Variants in ROBO2 observed in about 807,000 individuals in gnomAD.
ROBO2 encodes roundabout guidance receptor 2, also known as roundabout homolog 2.
ROBO2 carries 53 observed loss-of-function variants against 160.8 expected under a neutral mutation model. The observed-to-expected ratio is 0.33, with a 90% CI of 0.26 to 0.41. The LOEUF (loss-of-function observed/expected upper bound fraction) is 0.41, where lower values mean the gene tolerates loss of function less well. ROBO2 is among the 10% of genes least tolerant of loss of function. The pLI is 1.00. For synonymous variants in ROBO2, 664 were observed against 611.7 expected, an observed-to-expected ratio of 1.09 and a Z score of -1.26; for missense variants, 1,577 against 1,722.4, an observed-to-expected ratio of 0.92 and a Z score of 1.49.
intron 2 of ROBO2, among the ~76,000 whole-genome samples, chr3:76,768,688 TA>T (rs1246157965): frequency 1.3e-5 from 2 of 150,896 alleles, no homozygotes; most frequent in Non-Finnish European, 1.5e-5. Context: ...TAGTTTAAAT[TA>T]ACAATTATGT....
intron 1 of ROBO2, among the ~76,000 whole-genome samples, chr3:75,913,553 A>G (rs1010727510): frequency 6.6e-6 from 1 of 152,216 alleles, no homozygotes; most frequent in Non-Finnish European, 1.5e-5. Context: ...TCTGACTGAT[A>G]ACAGCTACTG....
intron 2 of ROBO2, among the ~76,000 whole-genome samples, chr3:77,152,588 G>T (rs1325341371): frequency 6.6e-6 from 1 of 152,170 alleles, no homozygotes; most frequent in Non-Finnish European, 1.5e-5. Flanking sequence ...TATGTTCGTT[G>T]TATCAAATCT....
chr3:76,274,933 A>G (rs1430800742), intron 2 of ROBO2, among the ~76,000 whole-genome samples: 1 of 152,164 alleles, frequency 6.6e-6, no homozygotes, highest in Non-Finnish European at 1.5e-5. Flanking sequence ...ACAAGAATTC[A>G]GTGAATATAA....
At chr3:77,161,078 G>C (rs2078446259) in intron 2 of ROBO2, among the ~76,000 whole-genome samples, 5 of 152,132 alleles carry the variant, frequency 3.3e-5, no homozygotes, top group Admixed American at 3.3e-4. Context: ...GATTACAAAA[G>C]CTCCCTCCCT....
In ROBO2 at chr3:77,379,708, T is replaced by C. The variant is rs540311294; in HGVS notation, c.389-97706T>C. ...AAACTCTGGTACTCTGAAATATCTC[T>C]TCCTGACCTGCTACTTCACTTCAAT... On this transcript the variant is annotated intron_variant, in intron 2 of 25. Transcript: ENST00000461745. Among the ~76,000 whole-genome samples, 69 of 152,272 alleles carry C rather than the reference T, an allele frequency of 4.5e-4. 1 individual carries two copies. Among genetic ancestry groups the C allele is most frequent in the South Asian group, 2.9e-3 (14 of 4,820 alleles).
At chr3:75,937,597 G>A (rs776265436) in exon 2 of ROBO2, 2 of 1,545,714 alleles carry the variant, frequency 1.3e-6, no homozygotes, top group Admixed American at 3.7e-5. Flanking sequence ...AATGGACAAG[G>A]CCAAGGTAAG....
chr3:77,471,922 C>T (rs557759994), intron 2 of ROBO2, among the ~76,000 whole-genome samples: 4 of 152,120 alleles, frequency 2.6e-5, no homozygotes, highest in Admixed American at 6.5e-5. Context: ...CTGCAGGATG[C>T]GCCAATTTCC....
intron 2 of ROBO2, among the ~76,000 whole-genome samples, chr3:76,205,323 A>G (rs763495606): frequency 5.9e-5 from 9 of 152,132 alleles, no homozygotes; most frequent in Non-Finnish European, 1.0e-4. Flanking sequence ...GTGAGAGAGA[A>G]TAAGGCCAAG....
At chr3:76,789,865 C>T (rs565088315) in intron 2 of ROBO2, among the ~76,000 whole-genome samples, 1 of 151,706 alleles carries the variant, frequency 6.6e-6, no homozygotes, top group Middle Eastern at 3.4e-3. Context: ...TTTATTCTAC[C>T]ATAGTTCCCT....
intron 2 of ROBO2, among the ~76,000 whole-genome samples, chr3:76,933,040 C>G (rs2077455807): frequency 6.7e-6 from 1 of 150,248 alleles, no homozygotes; most frequent in African/African-American, 2.5e-5. Flanking sequence ...AAATGGAAAC[C>G]AGGTTTGAGG....
chr3:76,445,923 A>T lies in ROBO2; in HGVS notation c.109+508321A>T, dbSNP rs539604484. On this transcript the variant is annotated intron_variant, in intron 2 of 26. Transcript: ENST00000487694. ...TAAGAGCTATTTATGACAAACCCACAGCCAATATCATACTGAATGGGCAAA... is the reference window on the plus strand; with the variant it reads ...TAAGAGCTATTTATGACAAACCCACTGCCAATATCATACTGAATGGGCAAA... Among the ~76,000 whole-genome samples, 349 of 152,320 alleles carry T rather than the reference A, an allele frequency of 2.3e-3. 1 individual carries two copies. Among genetic ancestry groups the T allele is most frequent in the African/African-American group, 8.1e-3 (335 of 41,572 alleles).
At chr3:77,562,011 G>T (rs1198989525) in intron 9 of ROBO2, among the ~76,000 whole-genome samples, 1 of 151,956 alleles carries the variant, frequency 6.6e-6, no homozygotes, top group East Asian at 1.9e-4. Flanking sequence ...TCTGAGGCAG[G>T]AGAATTGCTT....
chr3:76,009,594 C>G (rs556380182), intron 2 of ROBO2, among the ~76,000 whole-genome samples: 1 of 152,138 alleles, frequency 6.6e-6, no homozygotes, highest in Non-Finnish European at 1.5e-5. Context: ...TTTCAGAAAA[C>G]TCAGTCTAGA....
chr3:77,062,056 A>G (rs1290182819), intron 1 of ROBO2, among the ~76,000 whole-genome samples: 1 of 152,128 alleles, frequency 6.6e-6, no homozygotes, highest in African/African-American at 2.4e-5. Context: ...AGGTCTCTAC[A>G]TGTCAGTCAA....
chr3:76,847,485 A>G (rs138452771), intron 2 of ROBO2, among the ~76,000 whole-genome samples: 83 of 152,326 alleles, frequency 5.4e-4, no homozygotes, highest in South Asian at 1.0e-3. Flanking sequence ...ACATACTTGT[A>G]TTTGGAGAGT....
chr3:77,505,674 A>G (rs986690211), intron 5 of ROBO2, among the ~76,000 whole-genome samples: 2 of 152,190 alleles, frequency 1.3e-5, no homozygotes, highest in Admixed American at 6.5e-5. Context: ...CTTAAAATAT[A>G]TTAAATATGG....
intron 2 of ROBO2, among the ~76,000 whole-genome samples, chr3:76,752,933 GA>G (rs1352782257): frequency 6.6e-6 from 1 of 151,814 alleles, no homozygotes; most frequent in African/African-American, 2.4e-5. Flanking sequence ...GCAAACATTA[GA>G]AAATTCAATA....
intron 2 of ROBO2, among the ~76,000 whole-genome samples, chr3:77,375,032 G>T (rs1581451443): frequency 1.3e-5 from 2 of 152,094 alleles, no homozygotes; most frequent in African/African-American, 4.8e-5. Context: ...AACATAGCAA[G>T]ACCCTGTCTC....
At chr3:77,463,289 T>G (rs2082425580) in intron 2 of ROBO2, among the ~76,000 whole-genome samples, 1 of 152,062 alleles carries the variant, frequency 6.6e-6, no homozygotes, top group South Asian at 2.1e-4. Flanking sequence ...CAGAGCAAAA[T>G]TAAAGGTCAT....
Sources: gnomAD v4.1 joint callset for allele counts (sites outside exome capture counted in the v4.1 genomes callset) on GRCh38, gnomAD v4.1.1 for gene constraint, MANE v1.5 for transcripts, NCBI Gene and HGNC (gene_info 2026-07-23, HGNC 2026-07-21) for gene names.